The following PAX5 variants were observed in gnomAD, a reference collection of about 807,000 sequenced individuals.
PAX5 encodes the protein paired box protein Pax-5.
In PAX5, 9 loss-of-function variants were observed where a neutral mutation model predicts 43.7. The ratio of observed to expected loss-of-function variants is 0.21; its 90% CI spans 0.12 to 0.36. PAX5 has a LOEUF of 0.36. Ranked by LOEUF, PAX5 falls within the 10% of genes least tolerant of loss-of-function variation. PAX5 has a pLI of 1.00. For missense variants in PAX5, 383 were observed against 532.7 expected, an observed-to-expected ratio of 0.72 and a Z score of 2.77; for synonymous variants, 228 against 214.3, an observed-to-expected ratio of 1.06 and a Z score of -0.56.
At chr9:36,880,957 T>C (rs993659451) in intron 8 of PAX5, among the ~76,000 whole-genome samples, 7 of 152,216 alleles carry the variant, frequency 4.6e-5, no homozygotes, top group African/African-American at 1.7e-4. Flanking sequence ...CCCCAGGCAC[T>C]GAAACAAGCT....
intron 7 of PAX5, among the ~76,000 whole-genome samples, chr9:36,902,916 C>A (rs73648168): frequency 6.6e-6 from 1 of 152,126 alleles, no homozygotes; most frequent in Non-Finnish European, 1.5e-5. Flanking sequence ...AGAGTAGCTG[C>A]CCAGAGCCCT....
chr9:36,980,193 G>A (rs1397710027), intron 5 of PAX5, among the ~76,000 whole-genome samples: 2 of 152,242 alleles, frequency 1.3e-5, no homozygotes, highest in Non-Finnish European at 2.9e-5. Flanking sequence ...GTGGCTGCCT[G>A]AGGGAGGTGG....
chr9:36,929,635 A>G (rs1830964430), intron 6 of PAX5, among the ~76,000 whole-genome samples: 2 of 152,230 alleles, frequency 1.3e-5, no homozygotes, highest in African/African-American at 4.8e-5. Context: ...GTCCTTGACC[A>G]TGACCCAGGA....
intron 6 of PAX5, among the ~76,000 whole-genome samples, chr9:36,959,658 T>G (rs1480723124): frequency 6.6e-6 from 1 of 152,186 alleles, no homozygotes; most frequent in Non-Finnish European, 1.5e-5. Context: ...ATCACACTGG[T>G]TCATGTGGCC....
intron 7 of PAX5, among the ~76,000 whole-genome samples, chr9:36,890,027 C>A (rs1317702703): frequency 1.3e-5 from 2 of 151,546 alleles, no homozygotes; most frequent in African/African-American, 4.9e-5. Context: ...CGGTTCTCAT[C>A]GTGTGGCAGT....
chr9:36,907,313 A>T (rs1828908369), intron 7 of PAX5, among the ~76,000 whole-genome samples: 1 of 152,212 alleles, frequency 6.6e-6, no homozygotes, highest in African/African-American at 2.4e-5. Context: ...AGAGAGTTCA[A>T]ACTGCTCAGA....
intron 6 of PAX5, among the ~76,000 whole-genome samples, chr9:36,955,761 T>C (rs892027686): frequency 9.4e-6 from 1 of 106,668 alleles, no homozygotes; most frequent in Non-Finnish European, 1.9e-5. Context: ...GATTTCCCTC[T>C]TTTTGTTTCA....
chr9:36,948,262 G>A (rs1004103316), intron 6 of PAX5, among the ~76,000 whole-genome samples: 7 of 152,192 alleles, frequency 4.6e-5, no homozygotes, highest in African/African-American at 7.2e-5. Flanking sequence ...GGTGCAGCCC[G>A]ACCATAAGTG....
At chr9:37,001,810 CTTTTTTT>C (rs3073720) in intron 5 of PAX5, among the ~76,000 whole-genome samples, 84 of 87,996 alleles carry the variant, frequency 9.5e-4, no homozygotes, top group African/African-American at 2.8e-3. Flanking sequence ...ACAGCTCTGG[CTTTTTTT>C]TTTTTTTTTT....
rs571819538 is a variant in PAX5, at chr9:36,898,861, CT to C, written c.911-16757del. Among the ~76,000 whole-genome samples the C allele has an allele frequency of 9.9e-5, 15 of 152,222 alleles. No homozygotes were observed. The South Asian group carries it at 2.3e-3, about 23-fold the overall frequency. On this transcript the variant is annotated intron_variant, in intron 7 of 9. Coordinates refer to ENST00000358127, the MANE Select transcript of PAX5 (RefSeq NM_016734.3). Reference sequence around the variant, plus strand: ...GGCCCAGCCTCTCCCACTAACACCCCTGGGGCAGAGTCTGGGGGTGTCATCC... The same window carrying C: ...GGCCCAGCCTCTCCCACTAACACCCCGGGGCAGAGTCTGGGGGTGTCATCC...
chr9:37,024,649 C>T (rs1426733107), intron 1 of PAX5, among the ~76,000 whole-genome samples: 1 of 152,334 alleles, frequency 6.6e-6, no homozygotes, highest in East Asian at 1.9e-4. Flanking sequence ...CCAGCCCCCA[C>T]TGTGCTGCCA....
Position 36,837,319 on chromosome 9 carries a change from C to G in PAX5, c.*3241G>C. The G allele has an allele frequency of 4.3e-6, 1 of 233,278 alleles. No individual in the cohort carries two copies. The highest frequency in any genetic ancestry group is 8.5e-6 in the Non-Finnish European group (1 of 118,050). 14.5% of individuals were successfully genotyped at this position (233,278 alleles called of 1,614,324 possible). ...CAATGTCAGTTATGGAAGGGCTAGC[C>G]TTAACTAAGGTGCCTTGGGAAAGGG... On this transcript the variant is annotated 3_prime_UTR_variant, in exon 10 of 10. Transcript: ENST00000358127.
intron 7 of PAX5, among the ~76,000 whole-genome samples, chr9:36,904,530 C>T (rs1221157853): frequency 1.3e-5 from 2 of 151,792 alleles, no homozygotes; most frequent in African/African-American, 4.8e-5. Context: ...AGTAGAAGTT[C>T]TATGGCCTCA....
rs2381594 is a variant in PAX5 at position 37,002,846 on chromosome 9, T to C, written c.476-70A>G. Reference sequence around the variant, plus strand: ...GCGGCGGACCGGCTGTCACCGCACGTGAGGCTGGGGGCGGCTGGGAGGGAG... The same window carrying C: ...GCGGCGGACCGGCTGTCACCGCACGCGAGGCTGGGGGCGGCTGGGAGGGAG... On this transcript the variant is annotated intron_variant, in intron 4 of 9. Transcript: ENST00000358127. 1,541 of 1,527,460 alleles carry C rather than the reference T, an allele frequency of 1.0e-3. 23 individuals are homozygous for C. The Admixed American group carries it at 0.029, about 29-fold the overall frequency. 94.6% of individuals were successfully genotyped at this position (1,527,460 alleles called of 1,614,324 possible).
chr9:36,967,679 G>A (rs1392553099), intron 5 of PAX5, among the ~76,000 whole-genome samples: 7 of 152,218 alleles, frequency 4.6e-5, no homozygotes, highest in Non-Finnish European at 8.8e-5. Context: ...AAGGATATAT[G>A]AGAAACATTT....
In PAX5 at chr9:36,897,310, C is replaced by T. The variant is rs910525347; in HGVS notation, c.911-15205G>A. On this transcript the variant is annotated intron_variant, in intron 7 of 9. Transcript: ENST00000358127. ...AAACCGCTGTGGAATCAGGGAGCAC[C>T]GGAGCTCGAAGGATGCTAAAGTTCA... Among the ~76,000 whole-genome samples the T allele has an allele frequency of 1.3e-4, 20 of 152,080 alleles. No homozygotes were observed. In the East Asian group the frequency reaches 1.9e-3, roughly 15 times the overall value.
intron 8 of PAX5, among the ~76,000 whole-genome samples, chr9:36,876,180 C>CT (rs200364617): frequency 6.6e-6 from 1 of 152,350 alleles, no homozygotes; most frequent in East Asian, 1.9e-4. Context: ...GACCCTGTGC[C>CT]TTCCCGGCCC....
intron 5 of PAX5, among the ~76,000 whole-genome samples, chr9:36,974,865 AC>A (rs1178795120): frequency 6.6e-6 from 1 of 151,804 alleles, no homozygotes; most frequent in Non-Finnish European, 1.5e-5. Context: ...AGTCAGGGTC[AC>A]CCCCCACTTC....
chr9:36,837,821 G>A lies in PAX5; in HGVS notation c.*2739C>T, dbSNP rs116859128. 0.029 allele frequency: 6,884 copies of A among 233,516 alleles called. 136 individuals are homozygous for A. Among genetic ancestry groups the A allele is most frequent in the Non-Finnish European group, 0.042 (4,987 of 118,166 alleles). The allele number at this position is 233,516 out of a possible 1,614,324, so 14.5% of individuals were successfully genotyped here. ...CAGGGCAAGAAGAGGAACAGGATGG[G>A]GAGAGGGGGCCGCTGTGAGCCAGGT... is the stretch of plus-strand genomic sequence containing the variant. On this transcript the variant is annotated 3_prime_UTR_variant, in exon 10 of 10. Coordinates refer to ENST00000358127, the MANE Select transcript of PAX5 (RefSeq NM_016734.3).
Sources: allele counts gnomAD v4.1 joint callset (sites outside exome capture counted in the v4.1 genomes callset), GRCh38; gene constraint gnomAD v4.1.1; transcripts MANE v1.5; gene names NCBI Gene and HGNC (gene_info 2026-07-23, HGNC 2026-07-21).